The following FOXP2 variants were observed in gnomAD, a reference collection of about 807,000 sequenced individuals.
The protein encoded by FOXP2 is forkhead box protein P2.
Under a neutral mutation model 115.8 loss-of-function variants are expected in FOXP2, and 12 were observed. The ratio of observed to expected loss-of-function variants is 0.10; its 90% CI spans 0.07 to 0.17. The LOEUF is 0.17. FOXP2 is among the 10% of genes least tolerant of loss of function. FOXP2 has a pLI of 1.00. For missense variants in FOXP2, 629 were observed against 843.5 expected, an observed-to-expected ratio of 0.75 and a Z score of 3.15; for synonymous variants, 328 against 297.7, an observed-to-expected ratio of 1.10 and a Z score of -1.05.
chr7:114,659,225 A>G, intron 11 of FOXP2, 131 bp from the exon 12 acceptor site: 4 of 714,924 alleles, frequency 5.6e-6, no homozygotes, highest in Non-Finnish European at 1.0e-5. Context: ...TTCCACTGTC[A>G]TGCTTTGTGC....
chr7:114,298,252 C>G (rs1250259763), intron 2 of FOXP2, among the ~76,000 whole-genome samples: 1 of 152,170 alleles, frequency 6.6e-6, no homozygotes, highest in South Asian at 2.1e-4. Context: ...TAAGTCATTT[C>G]CTGTGCTCAC....
At chr7:114,514,874 C>A (rs12667072) in intron 2 of FOXP2, among the ~76,000 whole-genome samples, 3 of 150,588 alleles carry the variant, frequency 2.0e-5, no homozygotes, top group East Asian at 2.0e-4. Flanking sequence ...CCCTTCCCCC[C>A]ACCCCACAAC....
At chr7:114,284,248 G>A (rs1796409554) in intron 1 of FOXP2, among the ~76,000 whole-genome samples, 1 of 151,164 alleles carries the variant, frequency 6.6e-6, no homozygotes, top group Non-Finnish European at 1.5e-5. Context: ...TGCTGCTCCT[G>A]TATATACCCT....
At chr7:114,453,659 G>A (rs528303478) in intron 2 of FOXP2, among the ~76,000 whole-genome samples, 1 of 151,954 alleles carries the variant, frequency 6.6e-6, no homozygotes, top group Non-Finnish European at 1.5e-5. Context: ...TGCTTTCTTT[G>A]GCAGCATTTG....
chr7:114,601,840 C>T (rs190804310), intron 3 of FOXP2, among the ~76,000 whole-genome samples: 27 of 151,986 alleles, frequency 1.8e-4, no homozygotes, highest in African/African-American at 4.8e-4. Context: ...CTTTGAAATT[C>T]GTTGAAATTT....
intron 1 of FOXP2, among the ~76,000 whole-genome samples, chr7:114,156,912 C>T (rs774857329): frequency 1.3e-5 from 2 of 151,952 alleles, no homozygotes; most frequent in South Asian, 2.1e-4. Context: ...TTTAAAACCA[C>T]GTGTTTTATT....
intron 1 of FOXP2, among the ~76,000 whole-genome samples, chr7:114,421,533 G>A (rs1312319527): frequency 2.7e-5 from 4 of 150,854 alleles, no homozygotes; most frequent in African/African-American, 9.7e-5. Flanking sequence ...TTTGTGTATA[G>A]CATTTTAGGC....
In FOXP2 at chr7:114,496,034, A is replaced by G. The variant is rs539719755; in HGVS notation, c.169-38583A>G. 1.9e-4 allele frequency among the ~76,000 whole-genome samples: 29 copies of G among 152,276 alleles called. No individual in the cohort carries two copies. The South Asian group carries it at 6.0e-3, about 32-fold the overall frequency. On this transcript the variant is annotated intron_variant, in intron 2 of 16. Coordinates refer to ENST00000350908, the MANE Select transcript of FOXP2 (RefSeq NM_014491.4). Reference sequence around the variant, plus strand: ...ATATTATGTGTGACTCTGGCAGGATACACTTCCTTTAGATTAAATATATGT... The same window carrying G: ...ATATTATGTGTGACTCTGGCAGGATGCACTTCCTTTAGATTAAATATATGT...
At chr7:114,399,715 A>G (rs1033391311) in intron 2 of FOXP2, among the ~76,000 whole-genome samples, 13 of 152,134 alleles carry the variant, frequency 8.5e-5, no homozygotes, top group Non-Finnish European at 1.3e-4. Flanking sequence ...CAATTTTTAA[A>G]AATTCAATTA....
chr7:114,447,424 A>G (rs1485089965), intron 2 of FOXP2, among the ~76,000 whole-genome samples: 2 of 152,060 alleles, frequency 1.3e-5, no homozygotes, highest in Non-Finnish European at 2.9e-5. Flanking sequence ...AGAGTTTCCC[A>G]TGACTGGGCC....
chr7:114,573,200 A>G (rs1297010357), intron 3 of FOXP2, among the ~76,000 whole-genome samples: 2 of 151,848 alleles, frequency 1.3e-5, no homozygotes, highest in East Asian at 1.9e-4. Flanking sequence ...TGACTTCACA[A>G]CACAAGGGAA....
At chr7:114,680,902 T>C (rs747541971) in intron 16 of FOXP2, among the ~76,000 whole-genome samples, 20 of 152,238 alleles carry the variant, frequency 1.3e-4, no homozygotes, top group Non-Finnish European at 2.6e-4. Context: ...ACTAGGATAG[T>C]CAAGAATTTC....
intron 3 of FOXP2, among the ~76,000 whole-genome samples, chr7:114,575,126 G>A (rs956507127): frequency 6.6e-6 from 1 of 151,710 alleles, no homozygotes; most frequent in African/African-American, 2.4e-5. Context: ...CCACCCTGTG[G>A]GCTCTACAAT....
chr7:114,091,105 A>T (rs546028269), intron 1 of FOXP2, among the ~76,000 whole-genome samples: 2 of 151,996 alleles, frequency 1.3e-5, no homozygotes, highest in East Asian at 3.9e-4. Context: ...ATAAATGGGT[A>T]CTTCCACTTG....
Position 114,099,526 on chromosome 7 carries a change from T to C in FOXP2, c.-247+11688T>C, listed in dbSNP as rs190685656. ...CCCACAAATCCCTCTTCTAGGCATATACCCAAAGGAAATGAGATCACCCCA... is the reference window on the plus strand; with the variant it reads ...CCCACAAATCCCTCTTCTAGGCATACACCCAAAGGAAATGAGATCACCCCA... On this transcript the variant is annotated intron_variant, in intron 1 of 19. Coordinates refer to the FOXP2 transcript ENST00000635638. 1.5e-3 allele frequency among the ~76,000 whole-genome samples: 232 copies of C among 152,320 alleles called. 1 individual carries two copies. The highest frequency in any genetic ancestry group is 5.5e-3 in the African/African-American group (227 of 41,578).
At chr7:114,264,443 C>T (rs1052297198) in intron 1 of FOXP2, among the ~76,000 whole-genome samples, 3 of 152,098 alleles carry the variant, frequency 2.0e-5, no homozygotes, top group Non-Finnish European at 4.4e-5. Context: ...CTCATGTTTT[C>T]CCTCCCACCC....
chr7:114,137,302 C>T (rs563854679), intron 1 of FOXP2, among the ~76,000 whole-genome samples: 1 of 152,182 alleles, frequency 6.6e-6, no homozygotes, highest in Admixed American at 6.5e-5. Flanking sequence ...AAGTCAATGA[C>T]TTTTAAAGTA....
At chr7:114,295,339 G>A (rs1357061046) in intron 2 of FOXP2, among the ~76,000 whole-genome samples, 3 of 151,982 alleles carry the variant, frequency 2.0e-5, no homozygotes, top group Non-Finnish European at 2.9e-5. Context: ...CACATTTCTT[G>A]GAATTAGTCT....
intron 1 of FOXP2, among the ~76,000 whole-genome samples, chr7:114,092,403 G>A (rs1799559727): frequency 6.6e-6 from 1 of 151,334 alleles, no homozygotes; most frequent in Non-Finnish European, 1.5e-5. Context: ...AGATTTTCTG[G>A]TATTTAATTT....
Sources: gnomAD v4.1 joint callset for allele counts (sites outside exome capture counted in the v4.1 genomes callset) on GRCh38, gnomAD v4.1.1 for gene constraint, MANE v1.5 for transcripts, NCBI Gene and HGNC (gene_info 2026-07-23, HGNC 2026-07-21) for gene names.